Variants in BRF1 observed in about 807,000 individuals in gnomAD.
The protein encoded by BRF1 is transcription factor IIIB 90 kDa subunit.
In BRF1, 59 loss-of-function variants were observed where a neutral mutation model predicts 81.7. The ratio of observed to expected loss-of-function variants is 0.72; its 90% CI spans 0.59 to 0.90. The LOEUF (loss-of-function observed/expected upper bound fraction) is 0.90, where lower values mean the gene tolerates loss of function less well. BRF1 is among the 40% of genes least tolerant of loss of function. The pLI is 0.00. For synonymous variants in BRF1, 491 were observed against 395.6 expected, an observed-to-expected ratio of 1.24 and a Z score of -2.86; for missense variants, 1,050 against 936.3, an observed-to-expected ratio of 1.12 and a Z score of -1.58.
chr14:105,247,173 C>G (rs587720550), intron 5 of BRF1: 2 of 985,506 alleles, frequency 2.0e-6, no homozygotes, highest in East Asian at 2.3e-4. Flanking sequence ...GCTGTGGCCT[C>G]GGTGGGTGTG....
upstream of BRF1, among the ~76,000 whole-genome samples, chr14:105,305,091 CG>C (rs1374044376): frequency 6.6e-6 from 1 of 152,000 alleles, no homozygotes; most frequent in Non-Finnish European, 1.5e-5. Context: ...CCCTCATGAG[CG>C]GGATTAATGC....
At chr14:105,275,968 A>T (rs1179704767) in intron 2 of BRF1, among the ~76,000 whole-genome samples, 1 of 141,512 alleles carries the variant, frequency 7.1e-6, no homozygotes, top group Non-Finnish European at 1.5e-5. Context: ...AGTGAGAAGG[A>T]GCTGAGAGGG....
Position 105,226,097 on chromosome 14 carries a change from C to CT in BRF1, c.1019dup (p.Leu343ProfsTer104). ...CTTTTGCCAGGCTGGCCAGGCCCCC[C>CT]TTGGCCTTTGGCCGGCTGTTTTCTA... On this transcript the variant is annotated frameshift_variant, in exon 10 of 18. Transcript: ENST00000547530. LOFTEE classifies it high-confidence loss of function. 2 of 1,613,958 alleles carry CT rather than the reference C, an allele frequency of 1.2e-6. No homozygotes were observed. Among genetic ancestry groups the CT allele is most frequent in the Non-Finnish European group, 1.7e-6 (2 of 1,180,032 alleles).
At chr14:105,241,205 A>C (rs913643133) in intron 6 of BRF1, 60 bp downstream of exon 6, 2 of 1,590,706 alleles carry the variant, frequency 1.3e-6, no homozygotes, top group South Asian at 1.1e-5. Context: ...CTCAGGAGTC[A>C]GGAAAGTGTG....
At chr14:105,212,037 G>T in intron 16 of BRF1, 76 bp downstream of exon 16, 1 of 1,570,508 alleles carries the variant, frequency 6.4e-7, no homozygotes, top group South Asian at 1.2e-5. Flanking sequence ...TGTGGTCACA[G>T]ACCAAGCATC....
intron 1 of BRF1, among the ~76,000 whole-genome samples, chr14:105,294,294 G>C (rs1352644749): frequency 1.3e-5 from 2 of 152,186 alleles, no homozygotes; most frequent in East Asian, 3.9e-4. Context: ...CCTGGGCTCA[G>C]AGGCGTCTTG....
intron 1 of BRF1, among the ~76,000 whole-genome samples, chr14:105,289,092 A>G (rs2057422001): frequency 6.6e-6 from 1 of 151,934 alleles, no homozygotes; most frequent in Non-Finnish European, 1.5e-5. Context: ...CACATCTGTA[A>G]TCACAGCACT....
chr14:105,304,777 C>A (rs981844839), upstream of BRF1, among the ~76,000 whole-genome samples: 2 of 152,226 alleles, frequency 1.3e-5, no homozygotes, highest in Non-Finnish European at 2.9e-5. Flanking sequence ...TCACGTCTTA[C>A]GTGGATGGCA....
intron 2 of BRF1, among the ~76,000 whole-genome samples, chr14:105,282,018 G>A (rs1054283663): frequency 9.2e-5 from 14 of 152,212 alleles, no homozygotes; most frequent in Admixed American, 5.2e-4. Context: ...CCCACCTAGC[G>A]GCATTTCAGA....
intron 7 of BRF1, chr14:105,228,233 G>C (rs1023279805): frequency 1.1e-4 from 17 of 152,396 alleles, no homozygotes; most frequent in African/African-American, 4.1e-4. Context: ...TGTGACTTAG[G>C]GCAACTTTAC....
At position 105,228,999 on chromosome 14, in the gene BRF1, C is replaced by T. The variant is rs141686622; in HGVS notation, c.695-86G>A. 8.1e-3 allele frequency: 10,027 copies of T among 1,236,398 alleles called. 46 individuals are homozygous for T. The highest frequency in any genetic ancestry group is 0.012 in the Admixed American group (736 of 59,306). 76.6% of individuals were successfully genotyped at this position (1,236,398 alleles called of 1,614,324 possible). ...CGGCCCAGGACAACACTGCGGATCC[C>T]GGTCACGGAGATGATGGCCTGAGAA... On this transcript the variant is annotated intron_variant, in intron 6 of 17. Transcript: ENST00000547530.
In BRF1 at chr14:105,241,200, G is replaced by C. The variant is rs2054597043; in HGVS notation, c.694+65C>G. On this transcript the variant is annotated intron_variant, in intron 6 of 17. Transcript: ENST00000547530. ...TACGGCCCAGCCCACCAGCACTCAG[G>C]AGTCAGGAAAGTGTGAGGCCAGGAC... is the stretch of plus-strand genomic sequence containing the variant. 5 of 1,586,560 alleles carry C rather than the reference G, an allele frequency of 3.2e-6. No homozygotes were observed. The African/African-American group carries it at 4.0e-5, about 13-fold the overall frequency.
chr14:105,295,538 G>C (rs1449731940), intron 1 of BRF1, among the ~76,000 whole-genome samples: 2 of 151,924 alleles, frequency 1.3e-5, no homozygotes, highest in African/African-American at 4.8e-5. Context: ...AGCCCAGGGG[G>C]TTACGACTGC....
intron 1 of BRF1, chr14:105,314,940 G>A: frequency 2.6e-6 from 3 of 1,150,822 alleles, no homozygotes; most frequent in Non-Finnish European, 3.3e-6. Flanking sequence ...AGGCCGCCTC[G>A]GCCTCCCCGG....
intron 3 of BRF1, among the ~76,000 whole-genome samples, chr14:105,266,300 C>A (rs2056414249): frequency 6.6e-6 from 1 of 152,120 alleles, no homozygotes; most frequent in East Asian, 1.9e-4. Context: ...ATGGTCCCGG[C>A]TACTCGGGAT....
intron 2 of BRF1, 149 bp downstream of exon 2, chr14:105,286,147 C>T: frequency 1.1e-6 from 1 of 927,794 alleles, no homozygotes; most frequent in African/African-American, 1.6e-5. Context: ...ACAATTCCTC[C>T]TGGAAAGCAG....
At chr14:105,286,460 G>GAGAACAA in intron 1 of BRF1, 84 bp from the exon 2 acceptor site, 1 of 1,410,394 alleles carries the variant, frequency 7.1e-7, no homozygotes, top group Non-Finnish European at 9.8e-7. Flanking sequence ...GACACAAAGT[G>GAGAACAA]AGAACAAAGC....
chr14:105,246,162 T>C lies in BRF1; in HGVS notation c.545-4748A>G, dbSNP rs144748739. ...ATCGCTTGAACCTGGAAGGCGGATG[T>C]TGCAGTGCACCCTCACCACCGCACT... On this transcript the variant is annotated intron_variant, in intron 5 of 17. Coordinates refer to ENST00000547530, the MANE Select transcript of BRF1 (RefSeq NM_001519.4). 7.2e-3 allele frequency among the ~76,000 whole-genome samples: 1,093 copies of C among 152,066 alleles called. 6 individuals carry two copies. Among genetic ancestry groups the C allele is most frequent in the Non-Finnish European group, 0.011 (773 of 67,968 alleles).
chr14:105,268,815 G>A (rs908558557), intron 3 of BRF1, among the ~76,000 whole-genome samples: 37 of 152,192 alleles, frequency 2.4e-4, no homozygotes, highest in Admixed American at 1.6e-3. Context: ...TTGCGCCCTG[G>A]CTAAAGGTGG....
Sources: allele counts gnomAD v4.1 joint callset (sites outside exome capture counted in the v4.1 genomes callset), GRCh38; gene constraint gnomAD v4.1.1; transcripts MANE v1.5; gene names NCBI Gene and HGNC (gene_info 2026-07-23, HGNC 2026-07-21).